The following DLG2 variants were observed in gnomAD, a reference collection of about 807,000 sequenced individuals.
DLG2 encodes discs large MAGUK scaffold protein 2.
A neutral mutation model predicts 132.5 loss-of-function variants in DLG2; 45 were observed. The ratio of observed to expected loss-of-function variants is 0.34; its 90% CI spans 0.27 to 0.44. The LOEUF is 0.44. Ranked by LOEUF, DLG2 falls within the 20% of genes least tolerant of loss-of-function variation. DLG2 has a pLI of 1.00. For missense variants in DLG2, 1,045 were observed against 1,196.9 expected (o/e 0.87, Z 1.87); for synonymous variants, 424 against 419.6 (o/e 1.01, Z -0.13).
intron 18 of DLG2, among the ~76,000 whole-genome samples, chr11:83,772,585 AAGAG>A (rs1302017459): frequency 6.6e-6 from 1 of 151,814 alleles, no homozygotes; most frequent in East Asian, 1.9e-4. Context: ...AAAGAAAGAA[AAGAG>A]AGAGAGGAAG....
chr11:85,226,948 G>T (rs2075013560), intron 4 of DLG2, among the ~76,000 whole-genome samples: 1 of 152,106 alleles, frequency 6.6e-6, no homozygotes, highest in South Asian at 2.1e-4. Context: ...AGTCTTTGGT[G>T]AAGCTTAAAC....
chr11:84,994,949 G>T (rs780040208), intron 6 of DLG2, among the ~76,000 whole-genome samples: 1 of 152,126 alleles, frequency 6.6e-6, no homozygotes. Flanking sequence ...TGGGGTGTGT[G>T]TAAGCACACA....
intron 3 of DLG2, among the ~76,000 whole-genome samples, chr11:85,581,869 G>A (rs973782735): frequency 3.3e-5 from 5 of 152,152 alleles, no homozygotes; most frequent in African/African-American, 1.2e-4. Context: ...AAGAAGAAAG[G>A]TCAGCAGCTA....
At chr11:83,906,053 G>C (rs1056601020) in intron 15 of DLG2, among the ~76,000 whole-genome samples, 32 of 128,828 alleles carry the variant, frequency 2.5e-4, no homozygotes, top group Admixed American at 1.8e-3. Context: ...CTGTCTGTCT[G>C]TCTCTCTCTC....
chr11:84,304,550 T>C (rs1369934492), intron 7 of DLG2, among the ~76,000 whole-genome samples: 1 of 152,194 alleles, frequency 6.6e-6, no homozygotes, highest in Non-Finnish European at 1.5e-5. Context: ...GGATAATAAA[T>C]ATTTTTCTGA....
In DLG2 at chr11:83,633,266, T is replaced by C. The variant is rs148858967; in HGVS notation, c.1885A>G (p.Met629Val). The C allele has an allele frequency of 2.6e-5, 42 of 1,613,758 alleles. No individual in the cohort carries two copies. The Admixed American group carries it at 6.2e-4, about 24-fold the overall frequency. ...DLREQMMNHS[M>V]SSGSGSLRTN... Reference sequence around the variant, plus strand: ...CGCAGGGATCCGGACCCGGAGCTCATGCTGTGGTTCATCATCTGCTCTCGT... The same window carrying C: ...CGCAGGGATCCGGACCCGGAGCTCACGCTGTGGTTCATCATCTGCTCTCGT... The change falls in exon 19 of 28, where the codon ATG becomes GTG. Residue 629 changes from methionine (M) to valine (V), a missense_variant. Physicochemically the swap from Met to Val is conservative, Grantham distance 21. Around this residue, in one of 4 missense-constraint regions of DLG2, gnomAD observed 398 missense variants for 543.6 expected, o/e 0.73. Coordinates refer to ENST00000376104, the MANE Select transcript of DLG2 (RefSeq NM_001142699.3).
intron 6 of DLG2, among the ~76,000 whole-genome samples, chr11:85,068,133 G>T (rs1003902803): frequency 6.6e-6 from 1 of 151,980 alleles, no homozygotes; most frequent in Admixed American, 6.6e-5. Flanking sequence ...AATCAATTAG[G>T]TATTGATGAG....
chr11:84,304,680 A>C (rs955082689), intron 7 of DLG2, among the ~76,000 whole-genome samples: 1 of 152,254 alleles, frequency 6.6e-6, no homozygotes, highest in Admixed American at 6.5e-5. Context: ...TTATTTATAG[A>C]TAGCATAATT....
intron 3 of DLG2, among the ~76,000 whole-genome samples, chr11:85,588,794 A>G (rs975726456): frequency 2.6e-5 from 4 of 152,096 alleles, no homozygotes; most frequent in Admixed American, 2.6e-4. Flanking sequence ...TCATTTGGGT[A>G]GACTATTTCA....
chr11:84,058,997 T>A (rs947306502), intron 11 of DLG2, among the ~76,000 whole-genome samples: 8 of 152,112 alleles, frequency 5.3e-5, no homozygotes, highest in Non-Finnish European at 1.2e-4. Context: ...ACCATTTGTA[T>A]CTGAAAAATT....
At chr11:84,370,275 G>A (rs1273943198) in intron 7 of DLG2, among the ~76,000 whole-genome samples, 2 of 152,026 alleles carry the variant, frequency 1.3e-5, no homozygotes, top group East Asian at 3.9e-4. Context: ...ACTTTATTAG[G>A]TACTTAAAAT....
intron 3 of DLG2, among the ~76,000 whole-genome samples, chr11:85,474,914 G>T (rs1267649953): frequency 6.6e-6 from 1 of 151,296 alleles, no homozygotes; most frequent in Non-Finnish European, 1.5e-5. Context: ...AAGAAAAATT[G>T]TCAAAATGAA....
At chr11:85,458,293 G>A (rs1001653798) in intron 3 of DLG2, among the ~76,000 whole-genome samples, 1 of 149,716 alleles carries the variant, frequency 6.7e-6, no homozygotes, top group Non-Finnish European at 1.5e-5. Context: ...AAATCTGTTT[G>A]GTTATTCCTT....
chr11:85,498,375 G>C (rs2093717655), intron 3 of DLG2, among the ~76,000 whole-genome samples: 2 of 152,140 alleles, frequency 1.3e-5, no homozygotes, highest in Admixed American at 6.5e-5. Context: ...AACAAGAAGA[G>C]CTAACTATCC....
At chr11:83,813,672 T>C (rs947980951) in intron 17 of DLG2, among the ~76,000 whole-genome samples, 3 of 152,168 alleles carry the variant, frequency 2.0e-5, no homozygotes, top group African/African-American at 7.2e-5. Flanking sequence ...TTTTAGATGA[T>C]GCCTCTTTTG....
chr11:83,591,470 T>C (rs1256853984), intron 19 of DLG2, among the ~76,000 whole-genome samples: 1 of 83,334 alleles, frequency 1.2e-5, no homozygotes, highest in Non-Finnish European at 2.4e-5. Context: ...CTCAATAAAT[T>C]AGGTATTGAT....
Position 84,592,679 on chromosome 11 carries a change from A to G in DLG2, c.358-57948T>C, listed in dbSNP as rs147669196. Among the ~76,000 whole-genome samples the G allele has an allele frequency of 6.4e-4, 98 of 152,196 alleles. No individual in the cohort carries two copies. The East Asian group carries it at 0.017, about 27-fold the overall frequency. ...AAAGTATATGAACAGACACTTCTTG[A>G]AAGAAGACATTTATGTGGCCGACAA... On this transcript the variant is annotated intron_variant, in intron 6 of 27. Coordinates refer to ENST00000376104, the MANE Select transcript of DLG2 (RefSeq NM_001142699.3).
chr11:84,963,996 T>C, intron 6 of DLG2, among the ~76,000 whole-genome samples: 1 of 152,222 alleles, frequency 6.6e-6, no homozygotes, highest in Middle Eastern at 3.4e-3. Context: ...ATATATCTAT[T>C]TTGTAAAATA....
chr11:84,988,225 CA>C (rs1231315889), intron 6 of DLG2, among the ~76,000 whole-genome samples: 1 of 152,040 alleles, frequency 6.6e-6, no homozygotes, highest in African/African-American at 2.4e-5. Flanking sequence ...TGGCCATAAT[CA>C]AAAAATAAAA....
Sources: allele counts gnomAD v4.1 joint callset (sites outside exome capture counted in the v4.1 genomes callset), GRCh38; gene constraint gnomAD v4.1.1; regional missense constraint gnomAD v4.1.1; transcripts MANE v1.5; gene names NCBI Gene and HGNC (gene_info 2026-07-23, HGNC 2026-07-21).